NRXN3: variants seen among roughly 807,000 people sequenced by gnomAD.
NRXN3 encodes neurexin III.
In NRXN3, 32 loss-of-function variants were observed where a neutral mutation model predicts 137.6. That is an observed-to-expected ratio of 0.23 (90% CI 0.18 to 0.31). The LOEUF (loss-of-function observed/expected upper bound fraction) is 0.31, where lower values mean the gene tolerates loss of function less well. Ranked by LOEUF, NRXN3 falls within the 10% of genes least tolerant of loss-of-function variation. The pLI is 1.00. For missense variants in NRXN3, 1,574 were observed against 2,062.5 expected, an observed-to-expected ratio of 0.76 and a Z score of 4.59; for synonymous variants, 798 against 784.5, an observed-to-expected ratio of 1.02 and a Z score of -0.29.
At chr14:79,233,681 T>A (rs2072679278) in intron 15 of NRXN3, among the ~76,000 whole-genome samples, 1 of 151,946 alleles carries the variant, frequency 6.6e-6, no homozygotes, top group Admixed American at 6.6e-5. Context: ...TGTGTGTGTG[T>A]GTGTGTGTGT....
chr14:79,081,400 G>A lies in NRXN3; in HGVS notation c.3262+93259G>A, dbSNP rs536834367. On this transcript the variant is annotated intron_variant, in intron 15 of 20. Transcript: ENST00000335750. Reference sequence around the variant, plus strand: ...GGAGGCCGAGGCGGGCAGATCATGAGGTCAGGAGACCGAGACCATCCTGAC... The same window carrying A: ...GGAGGCCGAGGCGGGCAGATCATGAAGTCAGGAGACCGAGACCATCCTGAC... Among the ~76,000 whole-genome samples, 18 of 152,198 alleles carry A rather than the reference G, an allele frequency of 1.2e-4. No homozygotes were observed. In the South Asian group the frequency reaches 2.9e-3, roughly 25 times the overall value.
At chr14:78,306,329 G>T (rs138651644) in intron 4 of NRXN3, among the ~76,000 whole-genome samples, 47 of 152,114 alleles carry the variant, frequency 3.1e-4, no homozygotes, top group Non-Finnish European at 5.7e-4. Context: ...CTATCTGTTT[G>T]TATAGACCTT....
chr14:79,850,730 C>G (rs1437781847), intron 20 of NRXN3, among the ~76,000 whole-genome samples: 1 of 151,918 alleles, frequency 6.6e-6, no homozygotes, highest in Non-Finnish European at 1.5e-5. Context: ...TAATAAAAAC[C>G]TAGTGTAGAT....
chr14:78,852,804 C>T (rs2099046160), intron 10 of NRXN3, among the ~76,000 whole-genome samples: 1 of 151,912 alleles, frequency 6.6e-6, no homozygotes, highest in South Asian at 2.1e-4. Flanking sequence ...GCATCTACCT[C>T]CTAGGCACCA....
intron 19 of NRXN3, among the ~76,000 whole-genome samples, chr14:79,708,953 G>C (rs1171122279): frequency 6.6e-6 from 1 of 151,952 alleles, no homozygotes; most frequent in African/African-American, 2.4e-5. Context: ...TTATATCTCT[G>C]GCCCCATCTT....
intron 19 of NRXN3, among the ~76,000 whole-genome samples, chr14:79,725,810 A>G (rs548928860): frequency 5.3e-4 from 81 of 152,236 alleles, no homozygotes; most frequent in African/African-American, 1.9e-3. Context: ...TAAAATTGTA[A>G]CTCTACAGTG....
In NRXN3 at chr14:78,599,497, C is replaced by T. The variant is rs559939910; in HGVS notation, c.758-45623C>T. ...GAGTGACAATTTACCTAAAAGTCAG[C>T]GTTACATAGATAGTTCTACAAAATC... On this transcript the variant is annotated intron_variant, in intron 4 of 20. Coordinates refer to ENST00000335750, the MANE Select transcript of NRXN3 (RefSeq NM_001330195.2). Among the ~76,000 whole-genome samples, 6 of 152,310 alleles carry T rather than the reference C, an allele frequency of 3.9e-5. No individual in the cohort carries two copies. In the East Asian group the frequency reaches 7.7e-4, roughly 20 times the overall value.
At chr14:79,846,971 C>A (rs1289640379) in intron 20 of NRXN3, among the ~76,000 whole-genome samples, 1 of 152,158 alleles carries the variant, frequency 6.6e-6, no homozygotes, top group Non-Finnish European at 1.5e-5. Context: ...CCTCACAGGG[C>A]AGATTTGCTC....
At chr14:79,140,573 CTG>C (rs3035591) in intron 15 of NRXN3, among the ~76,000 whole-genome samples, 58,238 of 143,632 alleles carry the variant, frequency 0.41, 12,990 homozygotes, top group East Asian at 0.71. Flanking sequence ...CCCCACCTCA[CTG>C]TGTGTGTGTG....
At position 78,624,172 on chromosome 14, in the gene NRXN3, G is replaced by A. The variant is rs898590380; in HGVS notation, c.758-20948G>A. ...AAATGCTATATCCACCTCAAATGGA[G>A]TCAGGATAAGCATTATGAAAAGTCA... On this transcript the variant is annotated intron_variant, in intron 4 of 20. Coordinates refer to ENST00000335750, the MANE Select transcript of NRXN3 (RefSeq NM_001330195.2). Among the ~76,000 whole-genome samples, 20 of 152,306 alleles carry A rather than the reference G, an allele frequency of 1.3e-4. No homozygotes were observed. In the South Asian group the frequency reaches 1.7e-3, roughly 13 times the overall value.
intron 10 of NRXN3, among the ~76,000 whole-genome samples, chr14:78,878,880 A>G (rs1448808729): frequency 6.6e-6 from 1 of 152,102 alleles, no homozygotes; most frequent in Admixed American, 6.6e-5. Context: ...AGCACCTGGT[A>G]ACCACCATTC....
chr14:79,192,678 C>T (rs1004082171), intron 15 of NRXN3, among the ~76,000 whole-genome samples: 1 of 152,024 alleles, frequency 6.6e-6, no homozygotes, highest in African/African-American at 2.4e-5. Context: ...TGTTAAACCC[C>T]TACTGTGTGC....
At chr14:79,280,423 C>T (rs1288961719) in intron 15 of NRXN3, 2 of 1,614,108 alleles carry the variant, frequency 1.2e-6, no homozygotes, top group Admixed American at 3.3e-5. Flanking sequence ...CCTCCTCCTC[C>T]ACCTCTTCCT....
At chr14:78,227,248 C>T (rs1412537576) in intron 1 of NRXN3, among the ~76,000 whole-genome samples, 1 of 152,036 alleles carries the variant, frequency 6.6e-6, no homozygotes, top group Non-Finnish European at 1.5e-5. Context: ...TATTCAGAAG[C>T]TTGAATTTAA....
chr14:79,295,706 C>G (rs2083968919), intron 15 of NRXN3, among the ~76,000 whole-genome samples: 1 of 152,138 alleles, frequency 6.6e-6, no homozygotes, highest in African/African-American at 2.4e-5. Flanking sequence ...AACCTCAATA[C>G]TCAGTAGGCC....
At chr14:78,614,406 A>G (rs2097328392) in intron 4 of NRXN3, among the ~76,000 whole-genome samples, 2 of 152,234 alleles carry the variant, frequency 1.3e-5, no homozygotes, top group South Asian at 4.1e-4. Context: ...ACATATGAAA[A>G]GATAGATGAT....
At position 78,702,451 on chromosome 14, in the gene NRXN3, C is replaced by CTTTTCTTTTTTTTTTTTTTTT. The variant is rs151197180; in HGVS notation, c.1222-6764_1222-6763insTTCTTTTTTTTTTTTTTTTTT. ...AAGAGAGAATCTTTCTTTTTCTTTT[C>CTTTTCTTTTTTTTTTTTTTTT]TTATTTTTTTTGAGATGGAGTCTCA... is the stretch of plus-strand genomic sequence containing the variant. On this transcript the variant is annotated intron_variant, in intron 6 of 20. Transcript: ENST00000335750. Among the ~76,000 whole-genome samples, 15 of 122,702 alleles carry CTTTTCTTTTTTTTTTTTTTTT rather than the reference C, an allele frequency of 1.2e-4. 4 individuals are homozygous for CTTTTCTTTTTTTTTTTTTTTT. Among genetic ancestry groups the CTTTTCTTTTTTTTTTTTTTTT allele is most frequent in the East Asian group, 2.2e-4 (1 of 4,490 alleles). 80.5% of individuals were successfully genotyped at this position (122,702 alleles called of 152,430 possible).
chr14:78,875,874 G>A (rs182481380), intron 10 of NRXN3, among the ~76,000 whole-genome samples: 1 of 152,202 alleles, frequency 6.6e-6, no homozygotes, highest in East Asian at 1.9e-4. Flanking sequence ...GCATGAGAAC[G>A]ATAGGATTTC....
intron 16 of NRXN3, among the ~76,000 whole-genome samples, chr14:79,517,108 C>A (rs554081913): frequency 1.5e-5 from 2 of 134,170 alleles, no homozygotes; most frequent in Admixed American, 8.0e-5. Context: ...CCCCCCTCAA[C>A]GAATGGGAGC....
Sources: allele counts gnomAD v4.1 joint callset (sites outside exome capture counted in the v4.1 genomes callset), GRCh38; gene constraint gnomAD v4.1.1; transcripts MANE v1.5; gene names NCBI Gene and HGNC (gene_info 2026-07-23, HGNC 2026-07-21).